SLC24A4: variants seen among roughly 807,000 people sequenced by gnomAD.
The protein encoded by SLC24A4 is sodium/potassium/calcium exchanger 4.
A neutral mutation model predicts 79.0 loss-of-function variants in SLC24A4; 53 were observed. The observed-to-expected ratio is 0.67, with a 90% CI of 0.54 to 0.84. The LOEUF is 0.84. Among genes scored for constraint, SLC24A4 ranks in the 40% least tolerant of loss-of-function variants. The probability of loss-of-function intolerance (pLI) is 0.00; values close to 1 mark genes in which losing one functional copy is unlikely to be tolerated. For missense variants in SLC24A4, 731 were observed against 822.0 expected, an observed-to-expected ratio of 0.89 and a Z score of 1.35; for synonymous variants, 323 against 323.8, an observed-to-expected ratio of 1.00 and a Z score of 0.03.
intron 9 of SLC24A4, among the ~76,000 whole-genome samples, chr14:92,447,929 G>A (rs370880593): frequency 2.0e-5 from 3 of 152,192 alleles, no homozygotes; most frequent in African/African-American, 4.8e-5. Flanking sequence ...TGAGCCCCTC[G>A]AGAAGCTACC....
intron 2 of SLC24A4, among the ~76,000 whole-genome samples, chr14:92,389,560 G>T (rs926758098): frequency 6.6e-6 from 1 of 152,152 alleles, no homozygotes; most frequent in Non-Finnish European, 1.5e-5. Context: ...TCTCCCTGGG[G>T]CTTTGCTGTT....
At position 92,404,506 on chromosome 14, in the gene SLC24A4, C is replaced by G. The variant is rs149634181; in HGVS notation, c.242-29406C>G. ...CCAGCACACTGGCAGGAGATGTAGA[C>G]TGCTGGGCCTCTTCCTTTTCTCCAA... On this transcript the variant is annotated intron_variant, in intron 2 of 16. Coordinates refer to ENST00000532405, the MANE Select transcript of SLC24A4 (RefSeq NM_153646.4). 5.1e-3 allele frequency among the ~76,000 whole-genome samples: 774 copies of G among 152,296 alleles called. 8 individuals carry two copies. The highest frequency in any genetic ancestry group is 4.7e-3 in the Non-Finnish European group (323 of 68,030).
Position 92,461,423 on chromosome 14 carries a change from A to G in SLC24A4, c.1255+4815A>G, listed in dbSNP as rs75883874. Reference sequence around the variant, plus strand: ...CCGACGAAGCAGCTTAAACAACGGAAATGTATTTTCTCACATTTCTAGAGG... The same window carrying G: ...CCGACGAAGCAGCTTAAACAACGGAGATGTATTTTCTCACATTTCTAGAGG... On this transcript the variant is annotated intron_variant, in intron 12 of 16. Transcript: ENST00000532405. Among the ~76,000 whole-genome samples, 582 of 152,256 alleles carry G rather than the reference A, an allele frequency of 3.8e-3. 3 individuals are homozygous for G. The highest frequency in any genetic ancestry group is 0.014 in the African/African-American group (561 of 41,540).
chr14:92,418,744 C>T (rs1018809370), intron 2 of SLC24A4, among the ~76,000 whole-genome samples: 9 of 152,168 alleles, frequency 5.9e-5, no homozygotes, highest in Non-Finnish European at 7.3e-5. Context: ...CTCTATCCCC[C>T]AGGCTGGAGT....
chr14:92,484,963 C>T, intron 13 of SLC24A4: 1 of 809,682 alleles, frequency 1.2e-6, no homozygotes, highest in Non-Finnish European at 1.5e-6. Flanking sequence ...TACATTATAC[C>T]CAATTTCAAC....
chr14:92,479,622 T>G (rs4904933), intron 12 of SLC24A4, among the ~76,000 whole-genome samples: 149,613 of 152,286 alleles, frequency 0.98, 73,560 homozygotes, highest in Middle Eastern at 1. Context: ...ATTTTGTTAA[T>G]GATTTTTGCA....
At chr14:92,400,416 C>T (rs375276713) in intron 2 of SLC24A4, among the ~76,000 whole-genome samples, 11 of 127,152 alleles carry the variant, frequency 8.7e-5, no homozygotes, top group African/African-American at 3.4e-4. Flanking sequence ...TCCAGCCTGG[C>T]GACAGAGCGA....
intron 2 of SLC24A4, among the ~76,000 whole-genome samples, chr14:92,334,669 C>G (rs1185223042): frequency 6.6e-6 from 1 of 152,128 alleles, no homozygotes; most frequent in African/African-American, 2.4e-5. Flanking sequence ...ATGGTGAAGG[C>G]AGACGTGAGG....
At chr14:92,446,176 GT>G (rs56115503) in intron 8 of SLC24A4, among the ~76,000 whole-genome samples, 23 of 11,954 alleles carry the variant, frequency 1.9e-3, no homozygotes, top group South Asian at 0.011. Flanking sequence ...TGCATTCTAT[GT>G]TTTTTTTTTT....
At chr14:92,392,353 C>A (rs1033245317) in intron 2 of SLC24A4, among the ~76,000 whole-genome samples, 7 of 151,860 alleles carry the variant, frequency 4.6e-5, no homozygotes, top group Admixed American at 6.6e-5. Flanking sequence ...TTTTGTCAGT[C>A]TTACTTGGTT....
intron 2 of SLC24A4, among the ~76,000 whole-genome samples, chr14:92,327,694 C>T (rs1253106946): frequency 6.6e-6 from 1 of 152,170 alleles, no homozygotes; most frequent in Non-Finnish European, 1.5e-5. Flanking sequence ...AGACGGGGAT[C>T]CCTTTCTTAT....
At chr14:92,406,227 C>T (rs937336928) in intron 2 of SLC24A4, among the ~76,000 whole-genome samples, 1 of 152,260 alleles carries the variant, frequency 6.6e-6, no homozygotes, top group Non-Finnish European at 1.5e-5. Context: ...GGTGGGCTCC[C>T]ATGGCCTTGG....
chr14:92,439,420 G>T lies in SLC24A4; in HGVS notation c.393+11G>T. ...GAGAAGATCTGTGAGGTATGTGGAA[G>T]GGACTTGGGACACCTTGGTGAAGCC... is the stretch of plus-strand genomic sequence containing the variant. On this transcript the variant is annotated intron_variant, in intron 4 of 16. Coordinates refer to ENST00000532405, the MANE Select transcript of SLC24A4 (RefSeq NM_153646.4). The T allele has an allele frequency of 6.2e-7, 1 of 1,609,632 alleles. No homozygotes were observed. Among genetic ancestry groups the T allele is most frequent in the Middle Eastern group, 1.7e-4 (1 of 6,046 alleles).
intron 2 of SLC24A4, among the ~76,000 whole-genome samples, chr14:92,336,571 G>T (rs1277224174): frequency 6.6e-6 from 1 of 152,202 alleles, no homozygotes; most frequent in East Asian, 1.9e-4. Flanking sequence ...AATTGCGCAA[G>T]AAATTAAATT....
intron 2 of SLC24A4, among the ~76,000 whole-genome samples, chr14:92,378,084 T>C (rs975084273): frequency 2.0e-5 from 3 of 152,060 alleles, no homozygotes; most frequent in Non-Finnish European, 4.4e-5. Context: ...TCGGCTGCCT[T>C]CTCTTATCAT....
At chr14:92,482,393 C>T (rs903376631) in intron 12 of SLC24A4, among the ~76,000 whole-genome samples, 7 of 152,248 alleles carry the variant, frequency 4.6e-5, no homozygotes, top group African/African-American at 1.7e-4. Flanking sequence ...CCCATTCCAG[C>T]TCCTCTGGGT....
intron 8 of SLC24A4, among the ~76,000 whole-genome samples, chr14:92,447,130 G>A (rs949338486): frequency 2.6e-5 from 4 of 152,194 alleles, no homozygotes; most frequent in Non-Finnish European, 5.9e-5. Flanking sequence ...CCTCTGTCCT[G>A]CAGACCTCTA....
At chr14:92,388,522 T>C (rs11846107) in intron 2 of SLC24A4, among the ~76,000 whole-genome samples, 3,791 of 152,276 alleles carry the variant, frequency 0.025, 128 homozygotes, top group East Asian at 0.16. Flanking sequence ...CCTCCTTGGG[T>C]CTGGACTTAG....
At chr14:92,376,968 G>A (rs1406526638) in intron 2 of SLC24A4, among the ~76,000 whole-genome samples, 1 of 152,200 alleles carries the variant, frequency 6.6e-6, no homozygotes, top group Admixed American at 6.5e-5. Flanking sequence ...CTGAGGCTGG[G>A]AACACTCGTC....
Sources: gnomAD v4.1 joint callset for allele counts (sites outside exome capture counted in the v4.1 genomes callset) on GRCh38, gnomAD v4.1.1 for gene constraint, MANE v1.5 for transcripts, NCBI Gene and HGNC (gene_info 2026-07-23, HGNC 2026-07-21) for gene names.